FHIT: variants seen among roughly 807,000 people sequenced by gnomAD.
FHIT encodes the protein bis(5'-adenosyl)-triphosphatase.
FHIT carries 19 observed loss-of-function variants against 17.9 expected under a neutral mutation model. The ratio of observed to expected loss-of-function variants is 1.06; its 90% CI spans 0.74 to 1.56. The LOEUF is 1.56. FHIT is among the 40% of genes most tolerant of loss of function. FHIT has a pLI of 0.00. For synonymous variants in FHIT, 81 were observed against 69.7 expected (o/e 1.16, Z -0.81); for missense variants, 248 against 189.2 (o/e 1.31, Z -1.82).
intron 4 of FHIT, among the ~76,000 whole-genome samples, chr3:60,817,640 C>A (rs1701786835): frequency 6.6e-6 from 1 of 151,948 alleles, no homozygotes; most frequent in Non-Finnish European, 1.5e-5. Context: ...AGATACCGTG[C>A]CATTTTTCTC....
chr3:60,188,371 A>G (rs981901701), intron 5 of FHIT, among the ~76,000 whole-genome samples: 2 of 152,092 alleles, frequency 1.3e-5, no homozygotes, highest in African/African-American at 4.8e-5. Flanking sequence ...ACATGCTTCT[A>G]TCACATATTA....
intron 5 of FHIT, among the ~76,000 whole-genome samples, chr3:60,051,239 T>G (rs745401863): frequency 1.7e-4 from 26 of 151,996 alleles, no homozygotes; most frequent in Non-Finnish European, 3.7e-4. Context: ...AGCCTGAGGC[T>G]GTCTCCGTAA....
intron 3 of FHIT, among the ~76,000 whole-genome samples, chr3:60,999,100 T>A (rs919934832): frequency 6.6e-6 from 1 of 152,022 alleles, no homozygotes; most frequent in African/African-American, 2.4e-5. Context: ...TATAGATGAG[T>A]AAGGACACTG....
At chr3:60,503,046 T>A (rs149409484) in intron 5 of FHIT, among the ~76,000 whole-genome samples, 6 of 152,212 alleles carry the variant, frequency 3.9e-5, no homozygotes, top group Non-Finnish European at 7.3e-5. Context: ...TTATGCTGTA[T>A]TGGTTAAGAA....
At chr3:60,906,888 T>C (rs1266429676) in intron 3 of FHIT, among the ~76,000 whole-genome samples, 3 of 152,154 alleles carry the variant, frequency 2.0e-5, no homozygotes, top group African/African-American at 7.2e-5. Context: ...AGGAAGACCG[T>C]GCTCTATGAA....
chr3:60,937,277 G>C (rs62267313), intron 3 of FHIT, among the ~76,000 whole-genome samples: 46,495 of 152,038 alleles, frequency 0.31, 7,491 homozygotes, highest in East Asian at 0.6. Flanking sequence ...TTTGATTTGG[G>C]GCTGTATTTG....
chr3:61,196,518 A>T (rs2038857667), intron 2 of FHIT, among the ~76,000 whole-genome samples: 1 of 152,196 alleles, frequency 6.6e-6, no homozygotes, highest in African/African-American at 2.4e-5. Context: ...TACCTGGCAC[A>T]CTCTAAATCC....
At chr3:59,986,941 A>C (rs1275071182) in intron 7 of FHIT, among the ~76,000 whole-genome samples, 3 of 124,384 alleles carry the variant, frequency 2.4e-5, no homozygotes, top group African/African-American at 9.1e-5. Flanking sequence ...TATAGGATTT[A>C]TATACATATA....
chr3:60,241,544 T>C (rs1705129601), intron 5 of FHIT, among the ~76,000 whole-genome samples: 1 of 152,158 alleles, frequency 6.6e-6, no homozygotes, highest in Admixed American at 6.6e-5. Context: ...TGTAGTTTTT[T>C]TGCTTTTTTT....
chr3:61,229,845 TA>T (rs1036036491), intron 1 of FHIT, among the ~76,000 whole-genome samples: 2 of 152,168 alleles, frequency 1.3e-5, no homozygotes, highest in African/African-American at 4.8e-5. Flanking sequence ...AGAGACCAGA[TA>T]AATCATTTTC....
chr3:61,021,621 A>G (rs1307005437), intron 3 of FHIT, among the ~76,000 whole-genome samples: 1 of 136,910 alleles, frequency 7.3e-6, no homozygotes, highest in Non-Finnish European at 1.6e-5. Flanking sequence ...AAAAAAAAAA[A>G]GAACAGAAAT....
intron 4 of FHIT, among the ~76,000 whole-genome samples, chr3:60,738,795 G>T (rs570464312): frequency 6.6e-6 from 1 of 152,356 alleles, no homozygotes; most frequent in Middle Eastern, 3.4e-3. Context: ...ATACTGGGTA[G>T]AAGAGGGAGG....
At chr3:60,221,270 G>GT (rs1181613401) in intron 5 of FHIT, among the ~76,000 whole-genome samples, 2 of 151,990 alleles carry the variant, frequency 1.3e-5, no homozygotes, top group Non-Finnish European at 2.9e-5. Flanking sequence ...TTTTCAGAAC[G>GT]TTTTTTTCCT....
intron 2 of FHIT, among the ~76,000 whole-genome samples, chr3:61,109,248 T>C (rs897804627): frequency 1.3e-5 from 2 of 152,308 alleles, no homozygotes; most frequent in East Asian, 1.9e-4. Flanking sequence ...AACTTAAGCA[T>C]ACCCTAAGAA....
intron 8 of FHIT, among the ~76,000 whole-genome samples, chr3:59,900,255 A>G (rs55853504): frequency 0.035 from 5,376 of 152,268 alleles, 115 homozygotes; most frequent in South Asian, 0.065. Flanking sequence ...ACAGGGCATG[A>G]GGAGAGTGAG....
chr3:60,535,204 A>G (rs2035937346), intron 5 of FHIT, among the ~76,000 whole-genome samples: 1 of 152,190 alleles, frequency 6.6e-6, no homozygotes, highest in South Asian at 2.1e-4. Flanking sequence ...AGCCTGGGCT[A>G]CAGAGTGAGA....
chr3:59,900,102 G>A (rs962704810), intron 8 of FHIT, among the ~76,000 whole-genome samples: 5 of 152,130 alleles, frequency 3.3e-5, no homozygotes, highest in East Asian at 3.9e-4. Flanking sequence ...ACAGTCATCC[G>A]GCACAATCAC....
At chr3:60,152,631 C>T (rs772579088) in intron 5 of FHIT, among the ~76,000 whole-genome samples, 4 of 152,104 alleles carry the variant, frequency 2.6e-5, no homozygotes, top group Non-Finnish European at 5.9e-5. Context: ...CAAAGGAAAA[C>T]ATGTTTTGAA....
intron 5 of FHIT, among the ~76,000 whole-genome samples, chr3:60,091,264 A>G (rs1480425740): frequency 6.6e-6 from 1 of 152,206 alleles, no homozygotes; most frequent in Non-Finnish European, 1.5e-5. Context: ...AGGACATATG[A>G]GTTTGTTATC....
Sources: gnomAD v4.1 joint callset for allele counts (sites outside exome capture counted in the v4.1 genomes callset) on GRCh38, gnomAD v4.1.1 for gene constraint, MANE v1.5 for transcripts, NCBI Gene and HGNC (gene_info 2026-07-23, HGNC 2026-07-21) for gene names.